Variants in THRA observed in about 807,000 individuals in gnomAD.
THRA encodes EAR-7.
In THRA, 13 loss-of-function variants were observed where a neutral mutation model predicts 45.0. The ratio of observed to expected loss-of-function variants is 0.29; its 90% CI spans 0.19 to 0.46. The LOEUF (loss-of-function observed/expected upper bound fraction) is 0.46, where lower values mean the gene tolerates loss of function less well. THRA is among the 20% of genes least tolerant of loss of function. THRA has a pLI of 1.00. For synonymous variants in THRA, 195 were observed against 214.0 expected (o/e 0.91, Z 0.78); for missense variants, 278 against 556.1 (o/e 0.50, Z 5.03).
chr17:40,076,084 C>A (rs767862969), intron 2 of THRA, among the ~76,000 whole-genome samples: 1 of 152,182 alleles, frequency 6.6e-6, no homozygotes, highest in Non-Finnish European at 1.5e-5. Context: ...GAGAGCCTGG[C>A]AACATATATG....
intron 1 of THRA, among the ~76,000 whole-genome samples, chr17:40,073,207 A>G (rs902624457): frequency 6.6e-6 from 1 of 150,414 alleles, no homozygotes; most frequent in Non-Finnish European, 1.5e-5. Flanking sequence ...TCCCCCTCCT[A>G]CCCGCCACAC....
rs1986970107 is a variant in THRA at position 40,076,791 on chromosome 17, G to C, written c.54-80G>C. The C allele has an allele frequency of 2.1e-6, 3 of 1,454,952 alleles. No homozygotes were observed. In the Admixed American group the frequency reaches 5.2e-5, roughly 25 times the overall value. The allele number at this position is 1,454,952 out of a possible 1,614,324, so 90.1% of individuals were successfully genotyped here. A position where few individuals can be genotyped will look rare whatever the true frequency, so the allele number is the denominator to read the frequency against. On this transcript the variant is annotated intron_variant, in intron 2 of 8. Coordinates refer to ENST00000450525, the MANE Select transcript of THRA (RefSeq NM_199334.5). ...CAAAATGGAAAGAATCAGGCCTTGG[G>C]GGATTGCATAAGCCTCTCGGATGAG...
intron 7 of THRA, among the ~76,000 whole-genome samples, chr17:40,087,963 G>A (rs1222480440): frequency 6.6e-6 from 1 of 152,168 alleles, no homozygotes; most frequent in Admixed American, 6.5e-5. Flanking sequence ...CACCATGTAT[G>A]TTGGCCAGGC....
intron 6 of THRA, 101 bp downstream of exon 6, chr17:40,084,916 C>T: frequency 1.5e-6 from 2 of 1,321,040 alleles, no homozygotes; most frequent in Non-Finnish European, 2.1e-6. Context: ...TTAGTGTAAT[C>T]CAACCCAAAA....
At position 40,084,578 on chromosome 17, in the gene THRA, A is replaced by G. The variant is rs200920873; in HGVS notation, c.371-32A>G. 207 of 1,608,246 alleles carry G rather than the reference A, an allele frequency of 1.3e-4. 1 individual carries two copies. The African/African-American group carries it at 2.5e-3, about 20-fold the overall frequency. ...TTATGGAAAGGGGATGGAGGGTGCC[A>G]TGCGTTAGACCTTGTGCCTCTCTGT... On this transcript the variant is annotated intron_variant, in intron 5 of 8. Coordinates refer to ENST00000450525, the MANE Select transcript of THRA (RefSeq NM_199334.5).
rs1987451405 is a variant in THRA at position 40,089,345 on chromosome 17, C to G, written c.1122C>G (p.Leu374=). The G allele has an allele frequency of 6.2e-7, 1 of 1,614,178 alleles. No individual in the cohort carries two copies. Among genetic ancestry groups the G allele is most frequent in the Non-Finnish European group, 8.5e-7 (1 of 1,180,026 alleles). Residue 374 remains leucine (L), a synonymous_variant, in exon 9 of 9, where the codon CTC becomes CTG. Coordinates refer to ENST00000450525, the MANE Select transcript of THRA (RefSeq NM_199334.5). The surrounding 1 kb of genome is among the most constrained non-coding windows in gnomAD (Gnocchi z 6.1). ...WPKLLMKVTD[L]RMIGACHASR... ...AGCTGCTGATGAAGGTGACTGACCT[C>G]CGCATGATCGGGGCCTGCCACGCCA...
In THRA at chr17:40,089,943, G is replaced by A; in HGVS notation, c.*487G>A. On this transcript the variant is annotated 3_prime_UTR_variant, in exon 9 of 9. Coordinates refer to ENST00000450525, the MANE Select transcript of THRA (RefSeq NM_199334.5). The surrounding 1 kb of genome is among the most constrained non-coding windows in gnomAD (Gnocchi z 6.1). ...TGGGTGCAAAGAACGGCTTGGCTTG[G>A]CTCCTCCTCTGGAGGTTAAAATTTA... 2.0e-6 allele frequency: 2 copies of A among 993,968 alleles called. No homozygotes were observed. The highest frequency in any genetic ancestry group is 2.4e-6 in the Non-Finnish European group (2 of 835,156). The allele number at this position is 993,968 out of a possible 1,614,324, so 61.6% of individuals were successfully genotyped here.
At chr17:40,086,995 C>A in intron 7 of THRA, 142 bp downstream of exon 7, 1 of 859,282 alleles carries the variant, frequency 1.2e-6, no homozygotes, top group Non-Finnish European at 1.7e-6. Context: ...CATACACAGA[C>A]ACACACACAC....
intron 8 of THRA, 150 bp downstream of exon 8, chr17:40,088,650 C>A: frequency 1.0e-6 from 1 of 969,660 alleles, no homozygotes; most frequent in South Asian, 1.6e-5. Flanking sequence ...GTTCCTTGCT[C>A]TGTCACACAC....
intron 7 of THRA, among the ~76,000 whole-genome samples, chr17:40,087,822 G>A (rs1024248944): frequency 1.3e-5 from 2 of 152,096 alleles, no homozygotes; most frequent in African/African-American, 4.8e-5. Flanking sequence ...GCAGTGACGC[G>A]ATCTGGGCTC....
At chr17:40,082,333 G>C (rs536576159) in intron 4 of THRA, among the ~76,000 whole-genome samples, 7 of 150,158 alleles carry the variant, frequency 4.7e-5, no homozygotes, top group African/African-American at 1.7e-4. Flanking sequence ...TTCTGCCTCA[G>C]CCTCCCAAGT....
chr17:40,093,429 C>T, downstream of THRA: 10 of 1,561,844 alleles, frequency 6.4e-6, no homozygotes, highest in Non-Finnish European at 8.7e-6. This position sits in a 1 kb window ranked among gnomAD's most constrained non-coding sequence, Gnocchi z 5.9. Flanking sequence ...GCCATACCTT[C>T]TCCCAGGCCT....
chr17:40,093,644 C>G, downstream of THRA: 1 of 661,610 alleles, frequency 1.5e-6, no homozygotes, highest in Non-Finnish European at 2.5e-6. The surrounding 1 kb of genome is among the most constrained non-coding windows in gnomAD (Gnocchi z 5.9). Context: ...TTTGAGGCCC[C>G]AACTCAAGTG....
At chr17:40,063,155 C>T (rs1986419554) in intron 1 of THRA, 63 bp downstream of exon 1, 1 of 152,354 alleles carries the variant, frequency 6.6e-6, no homozygotes, top group Non-Finnish European at 1.5e-5. Flanking sequence ...TATGCAAAGC[C>T]GCGGGGCTCC....
intron 4 of THRA, among the ~76,000 whole-genome samples, chr17:40,078,880 T>C (rs1185403263): frequency 6.6e-6 from 1 of 151,934 alleles, no homozygotes; most frequent in Non-Finnish European, 1.5e-5. Flanking sequence ...TACAGGCACC[T>C]GCCACCACGC....
At chr17:40,085,832 G>A (rs575275160) in intron 6 of THRA, among the ~76,000 whole-genome samples, 4 of 152,152 alleles carry the variant, frequency 2.6e-5, no homozygotes, top group Admixed American at 1.3e-4. Flanking sequence ...TAGTAGAGAC[G>A]GTGTTTCTCC....
intron 8 of THRA, among the ~76,000 whole-genome samples, chr17:40,088,743 C>T (rs539243315): frequency 6.6e-6 from 1 of 151,964 alleles, no homozygotes; most frequent in Non-Finnish European, 1.5e-5. Flanking sequence ...TTCCTTCTCG[C>T]TGCCCTGTCC....
chr17:40,073,497 G>T (rs748133905), intron 1 of THRA, among the ~76,000 whole-genome samples: 49 of 152,304 alleles, frequency 3.2e-4, no homozygotes, highest in East Asian at 1.5e-3. Context: ...GTTAATATGT[G>T]TTAGTTTCCT....
At chr17:40,066,232 G>A (rs1345236709) in intron 1 of THRA, among the ~76,000 whole-genome samples, 1 of 152,160 alleles carries the variant, frequency 6.6e-6, no homozygotes, top group East Asian at 1.9e-4. Flanking sequence ...GAGCCCGGGG[G>A]CACCAAGCAC....
Sources: allele counts gnomAD v4.1 joint callset (sites outside exome capture counted in the v4.1 genomes callset), GRCh38; gene constraint gnomAD v4.1.1; non-coding constraint Gnocchi (gnomAD v3.1); transcripts MANE v1.5; gene names NCBI Gene and HGNC (gene_info 2026-07-23, HGNC 2026-07-21).